MTBP: variants seen among roughly 807,000 people sequenced by gnomAD.
MTBP encodes mdm2-binding protein.
MTBP carries 101 observed loss-of-function variants against 117.0 expected under a neutral mutation model. The ratio of observed to expected loss-of-function variants is 0.86; its 90% CI spans 0.73 to 1.02. The LOEUF is 1.02. Ranked by LOEUF, MTBP falls within the 50% of genes least tolerant of loss-of-function variation. MTBP has a pLI of 0.00. For synonymous variants in MTBP, 350 were observed against 351.5 expected (o/e 1.00, Z 0.05); for missense variants, 970 against 1,030.9 (o/e 0.94, Z 0.81).
chr8:120,508,883 C>T (rs1472783148), intron 16 of MTBP, among the ~76,000 whole-genome samples: 5 of 152,108 alleles, frequency 3.3e-5, no homozygotes, highest in African/African-American at 1.2e-4. Flanking sequence ...CAGAGAAGGA[C>T]GGCACCTATC....
At chr8:120,510,164 T>A in intron 17 of MTBP, 135 bp downstream of exon 17, 1 of 539,504 alleles carries the variant, frequency 1.9e-6, no homozygotes, top group Non-Finnish European at 3.1e-6. Flanking sequence ...AAAAGCAAAG[T>A]AGTGCATACA....
intron 11 of MTBP, among the ~76,000 whole-genome samples, chr8:120,483,860 A>G (rs1467047034): frequency 1.3e-5 from 2 of 152,122 alleles, no homozygotes; most frequent in Non-Finnish European, 1.5e-5. Flanking sequence ...TTTTTTAGTA[A>G]TCATTTTCCC....
chr8:120,470,682 T>C (rs1300772095), intron 10 of MTBP, 138 bp from the exon 11 acceptor site: 1 of 592,970 alleles, frequency 1.7e-6, no homozygotes, highest in Non-Finnish European at 2.9e-6. Context: ...TTTTTAGTTT[T>C]TATAGTGGAG....
rs1452157873 is a variant in MTBP at position 120,451,301 on chromosome 8, G to T, written c.404G>T (p.Arg135Met). 6.8e-6 allele frequency: 11 copies of T among 1,612,888 alleles called. No homozygotes were observed. The highest frequency in any genetic ancestry group is 1.6e-4 in the Middle Eastern group (1 of 6,074). The change falls in exon 4 of 22, where the codon AGG (arginine) becomes ATG (methionine). Residue 135 changes from arginine to methionine, a missense_variant. By Grantham distance (91) the Arg-to-Met change is moderately conservative. Coordinates refer to ENST00000305949, the MANE Select transcript of MTBP (RefSeq NM_022045.5). ...ECFEEEDSNS[R>M]ESLSLADLYE... is the part of the protein sequence containing the mutation. Reference sequence around the variant, plus strand: ...TTTGAAGAAGAAGACAGTAATAGCAGGGAATCATTATCCTTGGCTGAGTAT... The same window carrying T: ...TTTGAAGAAGAAGACAGTAATAGCATGGAATCATTATCCTTGGCTGAGTAT...
In MTBP at chr8:120,459,229, T is replaced by C. The variant is rs1476427500; in HGVS notation, c.762T>C (p.Ile254=). 2 of 1,608,862 alleles carry C rather than the reference T, an allele frequency of 1.2e-6. No individual in the cohort carries two copies. Among genetic ancestry groups the C allele is most frequent in the East Asian group, 2.2e-5 (1 of 44,626 alleles). ...QIWERKFGFE[I]SFPEFCLKGV... ...TCTCTTTTCAGTTTGGATTTGAAAT[T>C]AGTTTTCCTGAATTTTGTTTAAAGG... The change falls in exon 8 of 22, where the codon ATT becomes ATC. Residue 254 remains isoleucine, a synonymous_variant. Transcript: ENST00000305949.
At chr8:120,475,523 C>T (rs896101483) in intron 11 of MTBP, among the ~76,000 whole-genome samples, 1 of 151,736 alleles carries the variant, frequency 6.6e-6, no homozygotes, top group Non-Finnish European at 1.5e-5. Context: ...TAATTTGAAC[C>T]ATCTGATGTT....
At chr8:120,510,749 T>C (rs1445091274) in intron 17 of MTBP, among the ~76,000 whole-genome samples, 1 of 151,522 alleles carries the variant, frequency 6.6e-6, no homozygotes, top group East Asian at 1.9e-4. Flanking sequence ...AAAAAAAATA[T>C]AAAAATTAGC....
chr8:120,451,206 T>C lies in MTBP; in HGVS notation c.309T>C (p.Asp103=), dbSNP rs750671544. 29 of 1,609,810 alleles carry C rather than the reference T, an allele frequency of 1.8e-5. No individual in the cohort carries two copies. The highest frequency in any genetic ancestry group is 2.3e-5 in the Non-Finnish European group (27 of 1,177,002). Residue 103 remains aspartate, a synonymous_variant, in exon 4 of 22, where the codon GAT becomes GAC. Coordinates refer to ENST00000305949, the MANE Select transcript of MTBP (RefSeq NM_022045.5). ...CTGATTGGCAAGAGATACATTTTGATACAGAAAAAGATAAAATTGAAGATG... is the reference window on the plus strand; with the variant it reads ...CTGATTGGCAAGAGATACATTTTGACACAGAAAAAGATAAAATTGAAGATG... ...CSSDWQEIHF[D]TEKDKIEDVL...
chr8:120,468,561 C>G (rs1813747756), intron 10 of MTBP, among the ~76,000 whole-genome samples: 1 of 152,132 alleles, frequency 6.6e-6, no homozygotes, highest in African/African-American at 2.4e-5. Context: ...GGTGAGAGGT[C>G]AGGTGAATAT....
intron 11 of MTBP, among the ~76,000 whole-genome samples, chr8:120,475,766 A>G (rs1813920465): frequency 2.0e-5 from 3 of 152,036 alleles, no homozygotes; most frequent in African/African-American, 7.2e-5. Context: ...AAAAATGCCT[A>G]TATGTAAAAC....
At chr8:120,513,339 T>A (rs1042919318) in intron 17 of MTBP, among the ~76,000 whole-genome samples, 2 of 152,038 alleles carry the variant, frequency 1.3e-5, no homozygotes, top group Non-Finnish European at 2.9e-5. Context: ...CTTATGGGTG[T>A]TTTTCTTTGT....
At chr8:120,450,164 C>T (rs1026809931) in intron 2 of MTBP, among the ~76,000 whole-genome samples, 52 of 152,018 alleles carry the variant, frequency 3.4e-4, no homozygotes, top group Middle Eastern at 3.2e-3. Context: ...TCAGTGGTCT[C>T]AGAGGAGGTG....
chr8:120,475,127 T>C (rs887674097), intron 11 of MTBP, among the ~76,000 whole-genome samples: 6 of 151,990 alleles, frequency 3.9e-5, no homozygotes, highest in African/African-American at 1.2e-4. Context: ...TTCCCCCAGA[T>C]AGCCATATGA....
intron 10 of MTBP, among the ~76,000 whole-genome samples, chr8:120,466,934 T>C (rs140877404): frequency 1.3e-5 from 2 of 152,330 alleles, no homozygotes; most frequent in East Asian, 3.9e-4. Context: ...TTTTTAAAAA[T>C]GTTTTTACTG....
chr8:120,466,230 T>A (rs1446522856), intron 10 of MTBP, among the ~76,000 whole-genome samples: 1 of 109,184 alleles, frequency 9.2e-6, no homozygotes, highest in African/African-American at 2.9e-5. Flanking sequence ...TTTTTTTTTT[T>A]AGACGGAGTC....
intron 10 of MTBP, among the ~76,000 whole-genome samples, chr8:120,469,841 G>A (rs77554757): frequency 3.3e-5 from 5 of 152,074 alleles, no homozygotes; most frequent in Admixed American, 6.6e-5. Context: ...CCACAATTAC[G>A]TTTGCACCAA....
At chr8:120,468,473 T>G (rs1311028263) in intron 10 of MTBP, among the ~76,000 whole-genome samples, 1 of 152,220 alleles carries the variant, frequency 6.6e-6, no homozygotes, top group Non-Finnish European at 1.5e-5. Flanking sequence ...GGAAAGCGTT[T>G]TCTGCATCCT....
At position 120,506,783 on chromosome 8, in the gene MTBP, A is replaced by C; in HGVS notation, c.1805A>C (p.Asp602Ala). ...CCTCGGGACTCAATCACATTGTTGGATGCTAAAGAATTGCTGAAGTACTTT... is the reference window on the plus strand; with the variant it reads ...CCTCGGGACTCAATCACATTGTTGGCTGCTAAAGAATTGCTGAAGTACTTT... Reference protein sequence around the residue: ...EGPRDSITLLDAKELLKYFTS... With the variant: ...EGPRDSITLLAAKELLKYFTS... Residue 602 changes from aspartate (D) to alanine (A), a missense_variant, in exon 16 of 22, where the codon GAT becomes GCT. Physicochemically the swap from Asp to Ala is moderately radical, Grantham distance 126 (BLOSUM62 -2). Transcript: ENST00000305949. 1 of 1,613,630 alleles carries C rather than the reference A, an allele frequency of 6.2e-7. No homozygotes were observed. Among genetic ancestry groups the C allele is most frequent in the Non-Finnish European group, 8.5e-7 (1 of 1,179,638 alleles).
intron 1 of MTBP, among the ~76,000 whole-genome samples, chr8:120,445,964 T>C (rs575652195): frequency 6.6e-6 from 1 of 152,296 alleles, no homozygotes; most frequent in East Asian, 1.9e-4. Context: ...GTCCTACAAT[T>C]TACATCTAAT....
Sources: gnomAD v4.1 joint callset for allele counts (sites outside exome capture counted in the v4.1 genomes callset) on GRCh38, gnomAD v4.1.1 for gene constraint, MANE v1.5 for transcripts, NCBI Gene and HGNC (gene_info 2026-07-23, HGNC 2026-07-21) for gene names.